The following ADI1 variants were observed in gnomAD, a reference collection of about 807,000 sequenced individuals.
ADI1 encodes the protein acireductone dioxygenase.
In ADI1, 21 loss-of-function variants were observed where a neutral mutation model predicts 18.7. The ratio of observed to expected loss-of-function variants is 1.13; its 90% CI spans 0.80 to 1.62. ADI1 has a LOEUF of 1.62. Among genes scored for constraint, ADI1 ranks in the 40% most tolerant of loss-of-function variants. The pLI is 0.00. For synonymous variants in ADI1, 90 were observed against 100.1 expected (o/e 0.90, Z 0.60); for missense variants, 245 against 254.9 (o/e 0.96, Z 0.26).
intron 2 of ADI1, among the ~76,000 whole-genome samples, chr2:3,504,932 G>A (rs982813433): frequency 6.6e-6 from 1 of 151,870 alleles, no homozygotes; most frequent in Non-Finnish European, 1.5e-5. Context: ...TGCATTGTCA[G>A]TTCACCTGTG....
At chr2:3,507,464 A>G (rs1667197703) in intron 2 of ADI1, among the ~76,000 whole-genome samples, 2 of 152,150 alleles carry the variant, frequency 1.3e-5, no homozygotes, top group Non-Finnish European at 2.9e-5. Flanking sequence ...GAAAAAAGAA[A>G]AAGAATTACA....
chr2:3,511,241 G>A (rs1469553774), intron 2 of ADI1, among the ~76,000 whole-genome samples: 1 of 152,196 alleles, frequency 6.6e-6, no homozygotes, highest in Non-Finnish European at 1.5e-5. Context: ...TGCCATGACT[G>A]TAAGCTTCCT....
At chr2:3,499,334 G>A (rs1301795080) in intron 3 of ADI1, among the ~76,000 whole-genome samples, 2 of 152,078 alleles carry the variant, frequency 1.3e-5, no homozygotes, top group Admixed American at 6.5e-5. Flanking sequence ...GTTGAACTCC[G>A]CACCTCCGTG....
chr2:3,499,398 C>T (rs1298768598), intron 3 of ADI1, among the ~76,000 whole-genome samples: 1 of 152,186 alleles, frequency 6.6e-6, no homozygotes, highest in Non-Finnish European at 1.5e-5. Flanking sequence ...CCCATGTACC[C>T]TCCACCTCCT....
At chr2:3,508,334 C>CAAAAAAAAAAAAAAAAAAAAAAA (rs33977448) in intron 2 of ADI1, among the ~76,000 whole-genome samples, 7 of 26,922 alleles carry the variant, frequency 2.6e-4, no homozygotes, top group Non-Finnish European at 3.0e-4. Context: ...GACTCTGTCT[C>CAAAAAAAAAAAAAAAAAAAAAAA]AAAAAAAAAA....
intron 2 of ADI1, among the ~76,000 whole-genome samples, chr2:3,504,937 C>T (rs1667142682): frequency 6.6e-6 from 1 of 151,678 alleles, no homozygotes; most frequent in South Asian, 2.1e-4. Flanking sequence ...TGTCAGTTCA[C>T]CTGTGTATGT....
intron 1 of ADI1, chr2:3,516,667 T>C: frequency 1.1e-6 from 1 of 913,286 alleles, no homozygotes; most frequent in Non-Finnish European, 1.3e-6. Flanking sequence ...ATTGCTGTTG[T>C]TTATAAATTG....
At chr2:3,503,508 T>G (rs550305324) in intron 2 of ADI1, among the ~76,000 whole-genome samples, 1 of 145,944 alleles carries the variant, frequency 6.9e-6, no homozygotes, top group African/African-American at 2.6e-5. Flanking sequence ...CACACACGCC[T>G]ACATTCACAC....
intron 2 of ADI1, among the ~76,000 whole-genome samples, chr2:3,505,308 T>C (rs1667152329): frequency 6.6e-6 from 1 of 152,120 alleles, no homozygotes; most frequent in African/African-American, 2.4e-5. Context: ...GACAGAAAGA[T>C]CCACACCTAA....
At chr2:3,514,012 A>T in intron 1 of ADI1, 36 bp from the exon 2 acceptor site, 1 of 1,565,984 alleles carries the variant, frequency 6.4e-7, no homozygotes, top group Non-Finnish European at 8.6e-7. Flanking sequence ...AAGAGCTCAG[A>T]TTAACAAGGA....
intron 1 of ADI1, 199 bp downstream of exon 1, chr2:3,519,169 C>T: frequency 9.7e-6 from 7 of 724,984 alleles, no homozygotes; most frequent in Non-Finnish European, 1.4e-5. Flanking sequence ...GAGGCCCTGA[C>T]CACCCAGCCC....
At chr2:3,519,298 A>G in intron 1 of ADI1, 70 bp downstream of exon 1, 3 of 1,334,138 alleles carry the variant, frequency 2.2e-6, no homozygotes, top group South Asian at 3.7e-5. Flanking sequence ...CACCTGGAGG[A>G]GGCTGGGCTG....
chr2:3,516,206 G>T, intron 1 of ADI1: 1 of 316,444 alleles, frequency 3.2e-6, no homozygotes, highest in Non-Finnish European at 4.6e-6. Context: ...ATGGAGCTGG[G>T]CACTGTGGCT....
chr2:3,500,662 C>T, intron 3 of ADI1, 152 bp downstream of exon 3: 3 of 1,033,778 alleles, frequency 2.9e-6, no homozygotes, highest in Non-Finnish European at 2.9e-6. Flanking sequence ...TCGCCTGCGG[C>T]TCCACAGACT....
chr2:3,515,505 A>G (rs928446026), intron 1 of ADI1: 2 of 152,264 alleles, frequency 1.3e-5, no homozygotes, highest in African/African-American at 4.8e-5. Flanking sequence ...AGCACTGAAC[A>G]TAGATCTTTA....
In ADI1 at chr2:3,498,627, C is replaced by T. The variant is rs1130165; in HGVS notation, c.*336G>A. On this transcript the variant is annotated 3_prime_UTR_variant, in exon 4 of 4. Coordinates refer to ENST00000327435, the MANE Select transcript of ADI1 (RefSeq NM_018269.4). ...TTATCTAGGATTGCACCTTCTTACA[C>T]GGCAGGCGCGGCATCACGTCCAGAT... 0.27 allele frequency: 56,384 copies of T among 210,884 alleles called. 11,176 individuals are homozygous for T. The highest frequency in any genetic ancestry group is 0.61 in the African/African-American group (26,744 of 43,710). The allele number at this position is 210,884 out of a possible 1,614,324, so 13.1% of individuals were successfully genotyped here.
At chr2:3,502,001 CCACA>C (rs70938947) in intron 2 of ADI1, among the ~76,000 whole-genome samples, 1,494 of 104,940 alleles carry the variant, frequency 0.014, 14 homozygotes, top group East Asian at 0.059. Context: ...ACCTCCCGCT[CCACA>C]CACACACACA....
Position 3,500,892 on chromosome 2 carries a change from C to T in ADI1, c.342G>A (p.Trp114Ter). ...YFDVRDKEDQWIRIFMEKGDM... is the reference protein window; with the variant it reads ...YFDVRDKEDQ Reference sequence around the variant, plus strand: ...CTCCCTTCTCCATGAAGATCCGGATCCACTGGTCCTCCTTGTCCCTCACAT... The same window carrying T: ...CTCCCTTCTCCATGAAGATCCGGATTCACTGGTCCTCCTTGTCCCTCACAT... Residue 114 changes from tryptophan to a stop codon, truncating the protein, a stop_gained, in exon 3 of 4, where the codon TGG becomes TGA. Transcript: ENST00000327435. LOFTEE classifies it high-confidence loss of function. 6.2e-7 allele frequency: 1 copy of T among 1,614,236 alleles called. No individual in the cohort carries two copies. The highest frequency in any genetic ancestry group is 2.2e-5 in the East Asian group (1 of 44,880).
chr2:3,513,098 C>T (rs1004992165), intron 2 of ADI1, among the ~76,000 whole-genome samples: 17 of 152,194 alleles, frequency 1.1e-4, no homozygotes, highest in African/African-American at 3.9e-4. Flanking sequence ...GACCAATTTC[C>T]CCCTTTTGGA....
Sources: gnomAD v4.1 joint callset for allele counts (sites outside exome capture counted in the v4.1 genomes callset) on GRCh38, gnomAD v4.1.1 for gene constraint, MANE v1.5 for transcripts, NCBI Gene and HGNC (gene_info 2026-07-23, HGNC 2026-07-21) for gene names.